Variants in TNRC6A observed in about 807,000 individuals in gnomAD.
TNRC6A encodes the protein trinucleotide repeat containing adaptor 6A.
A neutral mutation model predicts 221.2 loss-of-function variants in TNRC6A; 44 were observed. The ratio of observed to expected loss-of-function variants is 0.20; its 90% CI spans 0.16 to 0.26. The LOEUF (loss-of-function observed/expected upper bound fraction) is 0.26. TNRC6A is among the 10% of genes least tolerant of loss of function. The pLI is 1.00. For synonymous variants in TNRC6A, 847 were observed against 838.5 expected (o/e 1.01, Z -0.18); for missense variants, 2,199 against 2,404.4 (o/e 0.91, Z 1.79).
chr16:24,704,714 A>G (rs546343641), intron 2 of TNRC6A, among the ~76,000 whole-genome samples: 1 of 151,256 alleles, frequency 6.6e-6, no homozygotes, highest in East Asian at 1.9e-4. Flanking sequence ...AAATTATGAC[A>G]TTAAGTGAGT....
At chr16:24,687,854 A>AAGAAGAAGAAGAAGAAGG (rs2055663741) in intron 2 of TNRC6A, among the ~76,000 whole-genome samples, 1 of 150,064 alleles carries the variant, frequency 6.7e-6, no homozygotes, top group African/African-American at 2.4e-5. Context: ...GAAGAAGAAG[A>AAGAAGAAGAAGAAGAAGG]AGAAGAAGAA....
chr16:24,669,285 G>C (rs2055240298), intron 2 of TNRC6A, among the ~76,000 whole-genome samples: 2 of 152,014 alleles, frequency 1.3e-5, no homozygotes, highest in Admixed American at 1.3e-4. Context: ...GACTGCTTCA[G>C]CCCAGGAATT....
intron 2 of TNRC6A, among the ~76,000 whole-genome samples, chr16:24,720,691 CAAAAAAAAAA>C (rs60226517): frequency 3.5e-5 from 1 of 28,948 alleles, no homozygotes; most frequent in East Asian, 1.2e-3. Context: ...AACTTCATCT[CAAAAAAAAAA>C]AAAAAAGAAA....
At chr16:24,642,657 A>G (rs1424688209) in intron 2 of TNRC6A, among the ~76,000 whole-genome samples, 3 of 151,938 alleles carry the variant, frequency 2.0e-5, no homozygotes, top group Non-Finnish European at 2.9e-5. Flanking sequence ...GTCTCTACTA[A>G]AAATACAAAA....
At chr16:24,772,451 G>A (rs1308725673) in intron 4 of TNRC6A, among the ~76,000 whole-genome samples, 1 of 151,672 alleles carries the variant, frequency 6.6e-6, no homozygotes, top group Non-Finnish European at 1.5e-5. Context: ...CCAAGATCGC[G>A]CCATTGCACT....
intron 1 of TNRC6A, among the ~76,000 whole-genome samples, chr16:24,623,338 A>T (rs1276444347): frequency 6.6e-6 from 1 of 152,066 alleles, no homozygotes; most frequent in Non-Finnish European, 1.5e-5. Flanking sequence ...AGCTGGGACT[A>T]CAGGCGCCCG....
At position 24,700,242 on chromosome 16, in the gene TNRC6A, CTTTT is replaced by C. The variant is rs904319866; in HGVS notation, n.403-50476_403-50473del. On this transcript the variant is annotated intron_variant and non_coding_transcript_variant, in intron 2 of 2. Coordinates refer to the TNRC6A transcript ENST00000566108. ...AGTGAGACCCTGTGTCTGAATTTTT[CTTTT>C]TTTTTTTGAGACAGAGTCTCACTCT... Among the ~76,000 whole-genome samples the C allele has an allele frequency of 8.9e-3, 1,325 of 148,878 alleles. 21 individuals are homozygous for C. The highest frequency in any genetic ancestry group is 0.028 in the African/African-American group (1,156 of 40,992).
intron 4 of TNRC6A, chr16:24,776,640 G>C: frequency 1.0e-6 from 1 of 985,442 alleles, no homozygotes; most frequent in Non-Finnish European, 1.2e-6. Flanking sequence ...ATCCGATGAT[G>C]ATGTCTTTGA....
Position 24,797,888 on chromosome 16 carries a change from C to T in TNRC6A, c.3643-27C>T, listed in dbSNP as rs201769953. 1.4e-3 allele frequency: 2,168 copies of T among 1,592,412 alleles called. 5 individuals carry two copies. The highest frequency in any genetic ancestry group is 1.3e-3 in the Non-Finnish European group (1,543 of 1,167,804). ...GTTTTCATTGATAAATTAAGGTCTGCTAACATGCTGCATTTTCTTTCTTCA... is the reference window on the plus strand; with the variant it reads ...GTTTTCATTGATAAATTAAGGTCTGTTAACATGCTGCATTTTCTTTCTTCA... On this transcript the variant is annotated intron_variant, in intron 10 of 24. Transcript: ENST00000395799.
At chr16:24,692,784 G>C (rs1262754013) in intron 2 of TNRC6A, among the ~76,000 whole-genome samples, 2 of 151,746 alleles carry the variant, frequency 1.3e-5, no homozygotes, top group Admixed American at 6.6e-5. Context: ...ATGTAACTCT[G>C]AAATTTACAC....
At chr16:24,615,877 C>T (rs1020019966) in intron 1 of TNRC6A, among the ~76,000 whole-genome samples, 2 of 144,350 alleles carry the variant, frequency 1.4e-5, no homozygotes, top group Non-Finnish European at 3.0e-5. Context: ...CCCCAACACA[C>T]ATACCCCTAC....
At chr16:24,680,205 G>A (rs2055503331) in intron 2 of TNRC6A, among the ~76,000 whole-genome samples, 1 of 151,820 alleles carries the variant, frequency 6.6e-6, no homozygotes, top group Non-Finnish European at 1.5e-5. Context: ...GAAGGCGGGA[G>A]GATGACTTAT....
chr16:24,791,031 G>A lies in TNRC6A; in HGVS notation c.2389G>A (p.Gly797Ser). 1 of 1,592,016 alleles carries A rather than the reference G, an allele frequency of 6.3e-7. No homozygotes were observed. The highest frequency in any genetic ancestry group is 8.6e-7 in the Non-Finnish European group (1 of 1,168,832). Residue 797 changes from glycine (G) to serine (S), a missense_variant, in exon 6 of 25, where the codon GGC (glycine) becomes AGC (serine). By Grantham distance (56) the Gly-to-Ser change is moderately conservative (BLOSUM62 0). Transcript: ENST00000395799. ...KPALRWGDSK[G>S]SNCQGGWEDD... Reference sequence around the variant, plus strand: ...TGCTCTGAGGTGGGGAGATTCCAAAGGCTCAAACTGCCAGGGGGGGTGGGA... The same window carrying A: ...TGCTCTGAGGTGGGGAGATTCCAAAAGCTCAAACTGCCAGGGGGGGTGGGA...
chr16:24,758,868 A>T (rs914959506), intron 4 of TNRC6A, among the ~76,000 whole-genome samples: 2 of 152,030 alleles, frequency 1.3e-5, no homozygotes, highest in Admixed American at 1.3e-4. Context: ...AACAGCACCC[A>T]TTAGACCCCA....
chr16:24,650,969 C>G (rs767678432), intron 2 of TNRC6A, among the ~76,000 whole-genome samples: 2 of 152,142 alleles, frequency 1.3e-5, no homozygotes, highest in African/African-American at 2.4e-5. Flanking sequence ...ATTTGCCACA[C>G]GTGGCCAGTG....
At chr16:24,656,551 T>C (rs1369166113) in intron 2 of TNRC6A, among the ~76,000 whole-genome samples, 1 of 150,976 alleles carries the variant, frequency 6.6e-6, no homozygotes, top group East Asian at 1.9e-4. Flanking sequence ...AAAATGATAA[T>C]ATATCAGGCC....
chr16:24,693,507 G>A (rs1302901399), intron 2 of TNRC6A, among the ~76,000 whole-genome samples: 1 of 152,144 alleles, frequency 6.6e-6, no homozygotes, highest in Non-Finnish European at 1.5e-5. Flanking sequence ...AGAATCGCTT[G>A]AATCCGGGAG....
In TNRC6A at chr16:24,738,411, C is replaced by T. The variant is rs541918718; in HGVS notation, c.53+8111C>T. 9.9e-4 allele frequency among the ~76,000 whole-genome samples: 151 copies of T among 152,136 alleles called. 1 individual carries two copies. Among genetic ancestry groups the T allele is most frequent in the African/African-American group, 3.4e-3 (143 of 41,502 alleles). ...CACTGTCTAATTCTAGAATTTTCAC[C>T]CCTTCACCCAAAAACCCCATAATAG... is the stretch of plus-strand genomic sequence containing the variant. On this transcript the variant is annotated intron_variant, in intron 2 of 24. Coordinates refer to ENST00000395799, the MANE Select transcript of TNRC6A (RefSeq NM_014494.4).
intron 19 of TNRC6A, 130 bp from the exon 20 acceptor site, chr16:24,816,686 T>C: frequency 9.3e-7 from 1 of 1,081,036 alleles, no homozygotes; most frequent in Non-Finnish European, 1.3e-6. Context: ...ACCATCCTCT[T>C]AGAGTATTAG....
Sources: gnomAD v4.1 joint callset for allele counts (sites outside exome capture counted in the v4.1 genomes callset) on GRCh38, gnomAD v4.1.1 for gene constraint, MANE v1.5 for transcripts, NCBI Gene and HGNC (gene_info 2026-07-23, HGNC 2026-07-21) for gene names.